The following UBE2R2 variants were observed in gnomAD, a reference collection of about 807,000 sequenced individuals.
UBE2R2 encodes ubiquitin-conjugating enzyme E2 R2.
A neutral mutation model predicts 27.8 loss-of-function variants in UBE2R2; 1 was observed. The ratio of observed to expected loss-of-function variants is 0.04; its 90% CI spans 0.01 to 0.17. The LOEUF (loss-of-function observed/expected upper bound fraction) is 0.17. Ranked by LOEUF, UBE2R2 falls within the 10% of genes least tolerant of loss-of-function variation. The pLI, the probability that UBE2R2 is intolerant of heterozygous loss-of-function variation, is 1.00. For missense variants in UBE2R2, 100 were observed against 291.0 expected (o/e 0.34, Z 4.78); for synonymous variants, 106 against 113.3 (o/e 0.94, Z 0.41).
chr9:33,834,897 C>G (rs1024060434), intron 1 of UBE2R2, among the ~76,000 whole-genome samples: 1 of 145,406 alleles, frequency 6.9e-6, no homozygotes, highest in Non-Finnish European at 1.5e-5. Context: ...GCAACAAGAC[C>G]GAAACTCTGT....
intron 1 of UBE2R2, among the ~76,000 whole-genome samples, chr9:33,841,175 C>G (rs192143325): frequency 6.6e-6 from 1 of 152,140 alleles, no homozygotes; most frequent in Non-Finnish European, 1.5e-5. Flanking sequence ...CTCTGCCTCC[C>G]GGGTTCAAGC....
Position 33,917,222 on chromosome 9 carries a change from G to C in UBE2R2, c.702G>C (p.Gly234=). The part of the protein sequence containing the change: ...DADCYDDDDS[G]NEES ...ACTGTTATGATGATGATGATTCTGG[G>C]AATGAGGAGTCGTGACGTGCTCCTT... The change falls in exon 5 of 5, where the codon GGG becomes GGC. Residue 234 remains glycine (G), a synonymous_variant. Transcript: ENST00000263228. 1 of 1,614,152 alleles carries C rather than the reference G, an allele frequency of 6.2e-7. No homozygotes were observed. Among genetic ancestry groups the C allele is most frequent in the Non-Finnish European group, 8.5e-7 (1 of 1,180,042 alleles).
intron 2 of UBE2R2, among the ~76,000 whole-genome samples, chr9:33,892,075 C>T (rs1318633522): frequency 1.3e-5 from 2 of 152,136 alleles, no homozygotes; most frequent in Non-Finnish European, 2.9e-5. Flanking sequence ...ACTAGGAAAA[C>T]TAAGGAAATT....
At chr9:33,858,088 C>T (rs1821148539) in intron 1 of UBE2R2, among the ~76,000 whole-genome samples, 3 of 152,168 alleles carry the variant, frequency 2.0e-5, no homozygotes, top group Admixed American at 2.0e-4. Flanking sequence ...CTAATTTACC[C>T]ACTCCTGAAG....
intron 1 of UBE2R2, 82 bp downstream of exon 1, chr9:33,818,016 G>A (rs1825851298): frequency 1.3e-6 from 2 of 1,521,878 alleles, no homozygotes; most frequent in Admixed American, 4.1e-5. Flanking sequence ...CCTGGGACCA[G>A]GAGTATGAGC....
At chr9:33,867,887 C>G (rs1484409974) in intron 1 of UBE2R2, among the ~76,000 whole-genome samples, 2 of 152,144 alleles carry the variant, frequency 1.3e-5, no homozygotes, top group Non-Finnish European at 2.9e-5. Flanking sequence ...CCACGATACT[C>G]CAGCCTGGGT....
At position 33,826,682 on chromosome 9, in the gene UBE2R2, GAGT is replaced by G. The variant is rs1218153349; in HGVS notation, c.177+8749_177+8751del. On this transcript the variant is annotated intron_variant, in intron 1 of 4. Coordinates refer to ENST00000263228, the MANE Select transcript of UBE2R2 (RefSeq NM_017811.4). ...CCATTGCACTCCAGTCTGGGCAACA[GAGT>G]GAGACTCTGTCCCCTGCCGCCCCCT... Among the ~76,000 whole-genome samples the G allele has an allele frequency of 9.9e-5, 15 of 152,088 alleles. No individual in the cohort carries two copies. The East Asian group carries it at 2.7e-3, about 27-fold the overall frequency.
At chr9:33,818,998 T>C (rs958969354) in intron 1 of UBE2R2, among the ~76,000 whole-genome samples, 4 of 152,172 alleles carry the variant, frequency 2.6e-5, no homozygotes, top group Non-Finnish European at 4.4e-5. Context: ...AGTGTTTGTT[T>C]TGTTTTGTTT....
intron 3 of UBE2R2, among the ~76,000 whole-genome samples, chr9:33,901,701 A>G (rs1822247937): frequency 6.6e-6 from 1 of 152,142 alleles, no homozygotes; most frequent in African/African-American, 2.4e-5. Context: ...ATGACTGTTG[A>G]TTATGTTTGT....
At chr9:33,856,091 C>A (rs1821094833) in intron 1 of UBE2R2, among the ~76,000 whole-genome samples, 1 of 152,050 alleles carries the variant, frequency 6.6e-6, no homozygotes, top group South Asian at 2.1e-4. Flanking sequence ...GGGCTCTTAC[C>A]CTGTCCTGGT....
At chr9:33,905,962 C>T (rs1187244709) in intron 3 of UBE2R2, among the ~76,000 whole-genome samples, 1 of 152,196 alleles carries the variant, frequency 6.6e-6, no homozygotes, top group Non-Finnish European at 1.5e-5. Flanking sequence ...ACTGTCATCA[C>T]ATTACGCTGG....
intron 1 of UBE2R2, among the ~76,000 whole-genome samples, chr9:33,864,232 C>T (rs907535016): frequency 2.0e-5 from 3 of 152,158 alleles, no homozygotes; most frequent in African/African-American, 7.2e-5. Context: ...AACTTCTTAG[C>T]ACTAGAATGT....
intron 1 of UBE2R2, among the ~76,000 whole-genome samples, chr9:33,832,622 G>A (rs1820518680): frequency 6.7e-6 from 1 of 150,354 alleles, no homozygotes; most frequent in Admixed American, 6.6e-5. Context: ...TTGTGCCACT[G>A]CACTCCAGCC....
At chr9:33,828,624 C>T (rs936975444) in intron 1 of UBE2R2, among the ~76,000 whole-genome samples, 1 of 151,546 alleles carries the variant, frequency 6.6e-6, no homozygotes, top group South Asian at 2.1e-4. Flanking sequence ...TGCAGTGGTG[C>T]GAGCTCGGCT....
intron 1 of UBE2R2, among the ~76,000 whole-genome samples, chr9:33,859,818 G>T (rs748248939): frequency 6.7e-6 from 1 of 149,406 alleles, no homozygotes; most frequent in Non-Finnish European, 1.5e-5. Context: ...GAGAGAGAGA[G>T]AGAGACAGGA....
chr9:33,873,040 T>G (rs1246046890), intron 1 of UBE2R2, among the ~76,000 whole-genome samples: 1 of 151,782 alleles, frequency 6.6e-6, no homozygotes, highest in African/African-American at 2.4e-5. Flanking sequence ...CTGGATGTGG[T>G]GGCAGGCACC....
rs1822745771 is a variant in UBE2R2 at position 33,919,504 on chromosome 9, G to C, written c.*2267G>C. 6.6e-6 allele frequency: 1 copy of C among 152,224 alleles called. No homozygotes were observed. The highest frequency in any genetic ancestry group is 2.4e-5 in the African/African-American group (1 of 41,442). The allele number at this position is 152,224 out of a possible 1,614,324, so 9.4% of individuals were successfully genotyped here. On this transcript the variant is annotated 3_prime_UTR_variant, in exon 5 of 5. Coordinates refer to ENST00000263228, the MANE Select transcript of UBE2R2 (RefSeq NM_017811.4). ...TGTTAGACATTGACTCAGGGAGCCG[G>C]AGCGCCAAGTGGAGGTTGTACCTTT...
intron 4 of UBE2R2, among the ~76,000 whole-genome samples, chr9:33,913,240 T>C (rs1347884303): frequency 6.6e-6 from 1 of 152,096 alleles, no homozygotes; most frequent in African/African-American, 2.4e-5. Flanking sequence ...ATTACAGGCG[T>C]GAGCCACTGC....
chr9:33,858,322 A>G (rs1821152536), intron 1 of UBE2R2, among the ~76,000 whole-genome samples: 1 of 152,214 alleles, frequency 6.6e-6, no homozygotes, highest in South Asian at 2.1e-4. Flanking sequence ...TTCTGATCAG[A>G]AATTAAAGAA....
Sources: gnomAD v4.1 joint callset for allele counts (sites outside exome capture counted in the v4.1 genomes callset) on GRCh38, gnomAD v4.1.1 for gene constraint, MANE v1.5 for transcripts, NCBI Gene and HGNC (gene_info 2026-07-23, HGNC 2026-07-21) for gene names.